Variants in MYBPC3 observed in about 807,000 individuals in gnomAD.
MYBPC3 encodes myosin-binding protein C, cardiac-type.
In MYBPC3, 108 loss-of-function variants were observed where a neutral mutation model predicts 159.3. The ratio of observed to expected loss-of-function variants is 0.68; its 90% CI spans 0.58 to 0.80. MYBPC3 has a LOEUF of 0.80. MYBPC3 is among the 30% of genes least tolerant of loss of function. The pLI, the probability that MYBPC3 is intolerant of heterozygous loss-of-function variation, is 0.00. For synonymous variants in MYBPC3, 730 were observed against 702.0 expected (o/e 1.04, Z -0.63); for missense variants, 1,631 against 1,762.1 (o/e 0.93, Z 1.33).
intron 34 of MYBPC3, 35 bp downstream of exon 34, chr11:47,331,810 A>G (rs767100395): frequency 3.8e-6 from 6 of 1,578,570 alleles, no homozygotes; most frequent in South Asian, 1.2e-5. Flanking sequence ...GGGCTCAGCC[A>G]CTGACTTGTG....
Position 47,338,514 on chromosome 11 carries a change from C to G in MYBPC3, c.2308+6G>C. The G allele has an allele frequency of 6.2e-7, 1 of 1,614,012 alleles. No homozygotes were observed. The highest frequency in any genetic ancestry group is 8.5e-7 in the Non-Finnish European group (1 of 1,179,894). On this transcript the variant is annotated splice_donor_region_variant and intron_variant, in intron 23 of 34. Coordinates refer to ENST00000545968, the MANE Select transcript of MYBPC3 (RefSeq NM_000256.3). This position sits in a 1 kb window ranked among gnomAD's most constrained non-coding sequence, Gnocchi z 4.7. ...GTTCTCCAGCTTGGACCCCGGCCGG[C>G]CTCACCGATGACCTTGACTGTGAGG...
chr11:47,346,918 C>G lies in MYBPC3; in HGVS notation c.908+109G>C. On this transcript the variant is annotated intron_variant, in intron 10 of 34. Coordinates refer to ENST00000545968, the MANE Select transcript of MYBPC3 (RefSeq NM_000256.3). This position sits in a 1 kb window ranked among gnomAD's most constrained non-coding sequence, Gnocchi z 5.3. ...AGACTCACCCCTGTCCGTGGGGAGC[C>G]GCACCCTGCTCTGAGTCTCTCACCA... The G allele has an allele frequency of 1.3e-6, 1 of 748,326 alleles. No individual in the cohort carries two copies. The highest frequency in any genetic ancestry group is 2.5e-5 in the East Asian group (1 of 39,928). The allele number at this position is 748,326 out of a possible 1,614,324, so 46.4% of individuals were successfully genotyped here.
rs1341949097 is a variant in MYBPC3 at position 47,335,198 on chromosome 11, C to T, written c.2749G>A (p.Val917Met). Residue 917 changes from valine to methionine, a missense_variant, in exon 27 of 35, where the codon GTG (valine) becomes ATG (methionine). Physicochemically the swap from Val to Met is conservative, Grantham distance 21. Transcript: ENST00000545968. Reference sequence around the variant, plus strand: ...TCTGTCAGCCCCTGCAGGGCAGCCACCCACTCTGAGCCTGGGGGTGGGGAG... The same window carrying T: ...TCTGTCAGCCCCTGCAGGGCAGCCATCCACTCTGAGCCTGGGGGTGGGGAG... ...EYCPEGCSEW[V>M]AALQGLTEHT... 6.3e-7 allele frequency: 1 copy of T among 1,599,034 alleles called. No homozygotes were observed. The highest frequency in any genetic ancestry group is 2.3e-5 in the East Asian group (1 of 43,580).
chr11:47,341,239 TG>T lies in MYBPC3; in HGVS notation c.1795del (p.His599ThrfsTer3). The stretch of plus-strand genomic sequence containing the variant: ...TGTGACGTCGTCAATGGTCAGTTTG[TG>T]GACCCTGCAGGGGAGCAGTGGCTCA... ...RIKVSHIGRV[H>X]KLTIDDVTPA... On this transcript the variant is annotated frameshift_variant, in exon 19 of 35. Coordinates refer to ENST00000545968, the MANE Select transcript of MYBPC3 (RefSeq NM_000256.3). LOFTEE classifies it high-confidence loss of function. The T allele has an allele frequency of 6.3e-7, 1 of 1,583,980 alleles. No homozygotes were observed. The highest frequency in any genetic ancestry group is 8.6e-7 in the Non-Finnish European group (1 of 1,165,008).
chr11:47,345,867 C>A (rs2095893575), intron 12 of MYBPC3, among the ~76,000 whole-genome samples: 1 of 152,112 alleles, frequency 6.6e-6, no homozygotes, highest in African/African-American at 2.4e-5. Context: ...AAAGTGTAGC[C>A]TGATTTTTCC....
In MYBPC3 at chr11:47,346,962, A is replaced by G. The variant is rs1196151611; in HGVS notation, c.908+65T>C. ...CTCACCACAGCCTCTCAGAGAGGGG[A>G]CGGGAATCCCCTCTGCACCCACCAG... On this transcript the variant is annotated intron_variant, in intron 10 of 34. Transcript: ENST00000545968. This position sits in a 1 kb window ranked among gnomAD's most constrained non-coding sequence, Gnocchi z 5.3. The G allele has an allele frequency of 1.3e-6, 1 of 768,124 alleles. No homozygotes were observed. The highest frequency in any genetic ancestry group is 2.4e-6 in the Non-Finnish European group (1 of 420,320). 47.6% of individuals were successfully genotyped at this position (768,124 alleles called of 1,614,324 possible).
rs1464294392 is a variant in MYBPC3, at chr11:47,346,247, C to G, written c.1050G>C (p.Lys350Asn). 1 of 1,613,932 alleles carries G rather than the reference C, an allele frequency of 6.2e-7. No individual in the cohort carries two copies. Among genetic ancestry groups the G allele is most frequent in the South Asian group, 1.1e-5 (1 of 91,088 alleles). The change falls in exon 12 of 35, where the codon AAG (lysine) becomes AAC (asparagine). Residue 350 changes from lysine (K) to asparagine (N), a missense_variant. Lys to Asn is a moderately conservative substitution (Grantham distance 94). Coordinates refer to ENST00000545968, the MANE Select transcript of MYBPC3 (RefSeq NM_000256.3). This position sits in a 1 kb window ranked among gnomAD's most constrained non-coding sequence, Gnocchi z 5.3. ...YGVTDLRGMLKRLKGMRRDEK... is the reference protein window; with the variant it reads ...YGVTDLRGMLNRLKGMRRDEK... ...CATCGCGCCTCATGCCCTTGAGCCT[C>G]TTTAGCATGCCGCGCAGGTCAGTGA...
chr11:47,332,316 G>A lies in MYBPC3; in HGVS notation c.3628-58C>T. The A allele has an allele frequency of 6.4e-7, 1 of 1,571,018 alleles. No individual in the cohort carries two copies. Among genetic ancestry groups the A allele is most frequent in the Non-Finnish European group, 8.8e-7 (1 of 1,142,334 alleles). On this transcript the variant is annotated intron_variant, in intron 32 of 34. Transcript: ENST00000545968. This position sits in a 1 kb window ranked among gnomAD's most constrained non-coding sequence, Gnocchi z 4.2. ...ATCCAGGCTGAGAGGGGACCTGGCA[G>A]GGACCCAGGGAGACACATCTGTGTT...
intron 12 of MYBPC3, among the ~76,000 whole-genome samples, chr11:47,345,275 C>G (rs2095893012): frequency 6.6e-6 from 1 of 152,192 alleles, no homozygotes; most frequent in African/African-American, 2.4e-5. Flanking sequence ...CAGGGGATCC[C>G]TGGCTTAAAT....
At position 47,338,679 on chromosome 11, in the gene MYBPC3, G is replaced by C. The variant is rs1342503923; in HGVS notation, c.2149C>G (p.Leu717Val). Reference protein sequence around the residue: ...DSDEWVFDKKLLCETEGRVRV... With the variant: ...DSDEWVFDKKVLCETEGRVRV... ...ACCCGGCCCTCGGTCTCACACAGCA[G>C]CTGGGGGGGTGCAGAGTTGGGGTGA... Residue 717 changes from leucine (L) to valine (V), a missense_variant and splice_region_variant, in exon 23 of 35, where the codon CTG (leucine) becomes GTG (valine). Leu to Val is a conservative substitution (Grantham distance 32, BLOSUM62 1). Coordinates refer to ENST00000545968, the MANE Select transcript of MYBPC3 (RefSeq NM_000256.3). The surrounding 1 kb of genome is among the most constrained non-coding windows in gnomAD (Gnocchi z 4.7). 6.2e-7 allele frequency: 1 copy of C among 1,609,232 alleles called. No individual in the cohort carries two copies. Among genetic ancestry groups the C allele is most frequent in the Admixed American group, 1.7e-5 (1 of 59,626 alleles).
Position 47,341,145 on chromosome 11 carries a change from G to A in MYBPC3, c.1890C>T (p.His630=). 1.3e-6 allele frequency: 2 copies of A among 1,595,000 alleles called. No homozygotes were observed. Among genetic ancestry groups the A allele is most frequent in the South Asian group, 1.1e-5 (1 of 87,898 alleles). The change falls in exon 19 of 35, where the codon CAC becomes CAT. Residue 630 remains histidine, a synonymous_variant. Transcript: ENST00000545968. ...GFACNLSAKL[H]FMEVKIDFVP... The stretch of plus-strand genomic sequence containing the variant: ...ACCCTGGAGCAGGCTCACCCATGAA[G>A]TGGAGCTTGGCTGACAGGTTGCAGG...
At position 47,333,168 on chromosome 11, in the gene MYBPC3, GTGGGGACCCCAGACCC is replaced by G; in HGVS notation, c.3330+10_3330+25del. The G allele has an allele frequency of 6.3e-7, 1 of 1,595,708 alleles. No individual in the cohort carries two copies. The highest frequency in any genetic ancestry group is 8.5e-7 in the Non-Finnish European group (1 of 1,170,784). ...TCTGCCGGGCCTAGGCAGGGTGCAC[GTGGGGACCCCAGACCC>G]TGGGCTCACCATGGTCTTCTTGTCG... On this transcript the variant is annotated intron_variant, in intron 30 of 34. Transcript: ENST00000545968.
chr11:47,339,358 G>T lies in MYBPC3; in HGVS notation c.2114C>A (p.Thr705Lys), dbSNP rs2095885899. 6.2e-7 allele frequency: 1 copy of T among 1,614,070 alleles called. No homozygotes were observed. The highest frequency in any genetic ancestry group is 8.5e-7 in the Non-Finnish European group (1 of 1,179,892). ...AAACACCCACTCATCGCTGTCACCT[G>T]TGTCCTCTGGGGCATCTGGGGCTGG... Reference protein sequence around the residue: ...ARPAPDAPEDTGDSDEWVFDK... With the variant: ...ARPAPDAPEDKGDSDEWVFDK... The change falls in exon 22 of 35, where the codon ACA becomes AAA. Residue 705 changes from threonine to lysine, a missense_variant. Physicochemically the swap from Thr to Lys is moderately conservative, Grantham distance 78. Coordinates refer to ENST00000545968, the MANE Select transcript of MYBPC3 (RefSeq NM_000256.3).
intron 30 of MYBPC3, 69 bp from the exon 31 acceptor site, chr11:47,333,042 G>A: frequency 6.5e-7 from 1 of 1,549,616 alleles, no homozygotes; most frequent in Non-Finnish European, 8.7e-7. Context: ...CCTCTCCTGG[G>A]TGCCCTTGGC....
chr11:47,335,113 C>A lies in MYBPC3; in HGVS notation c.2834G>T (p.Arg945Leu), dbSNP rs1443971720. The change falls in exon 27 of 35, where the codon CGG becomes CTG. Residue 945 changes from arginine (R) to leucine (L), a missense_variant. Physicochemically the swap from Arg to Leu is moderately radical, Grantham distance 102. Transcript: ENST00000545968. Reference protein sequence around the residue: ...PTGARLLFRVRAHNMAGPGAP... With the variant: ...PTGARLLFRVLAHNMAGPGAP... ...TCCAGGCCCTGCCATATTGTGTGCC[C>A]GCACTCGGAAAAGCAGCCGGGCCCC... is the stretch of plus-strand genomic sequence containing the variant. 6.2e-7 allele frequency: 1 copy of A among 1,612,182 alleles called. No homozygotes were observed. Among genetic ancestry groups the A allele is most frequent in the Non-Finnish European group, 8.5e-7 (1 of 1,179,050 alleles).
At position 47,337,475 on chromosome 11, in the gene MYBPC3, C is replaced by T. The variant is rs376936056; in HGVS notation, c.2518G>A (p.Val840Met). The change falls in exon 25 of 35, where the codon GTG becomes ATG. Residue 840 changes from valine to methionine, a missense_variant. Transcript: ENST00000545968. ...SHEARRMIEG[V>M]VYEMRVYAVN... The stretch of plus-strand genomic sequence containing the variant: ...GCGTAGACGCGCATCTCGTACACCA[C>T]GCCCTCGATCATGCGCCGCGCTTCA... 1.1e-5 allele frequency: 18 copies of T among 1,613,930 alleles called. No homozygotes were observed. The highest frequency in any genetic ancestry group is 2.2e-5 in the East Asian group (1 of 44,882).
chr11:47,331,476 G>C lies in MYBPC3; in HGVS notation c.*267C>G, dbSNP rs773912126. On this transcript the variant is annotated 3_prime_UTR_variant, in exon 35 of 35. Transcript: ENST00000545968. ...TGGGAAGACATAGCAGGCCAGAAAG[G>C]CCTGTCCCCAGACATTGTTTCTTGA... The C allele has an allele frequency of 4.9e-6, 1 of 203,108 alleles. No individual in the cohort carries two copies. The highest frequency in any genetic ancestry group is 2.3e-5 in the African/African-American group (1 of 43,288). 12.6% of individuals were successfully genotyped at this position (203,108 alleles called of 1,614,324 possible).
Position 47,346,068 on chromosome 11 carries a change from A to G in MYBPC3, c.1090+139T>C. Reference sequence around the variant, plus strand: ...TGCTAAGCCGGACTCCGCTCTTTCCATGTATGTGGACGAGGTGGGGGGCTA... The same window carrying G: ...TGCTAAGCCGGACTCCGCTCTTTCCGTGTATGTGGACGAGGTGGGGGGCTA... On this transcript the variant is annotated intron_variant, in intron 12 of 34. Transcript: ENST00000545968. This position sits in a 1 kb window ranked among gnomAD's most constrained non-coding sequence, Gnocchi z 5.3. The G allele has an allele frequency of 2.5e-6, 3 of 1,202,184 alleles. No homozygotes were observed. Among genetic ancestry groups the G allele is most frequent in the South Asian group, 1.7e-5 (1 of 59,976 alleles). The allele number at this position is 1,202,184 out of a possible 1,614,324, so 74.5% of individuals were successfully genotyped here.
intron 12 of MYBPC3, among the ~76,000 whole-genome samples, chr11:47,344,293 C>T (rs1158451562): frequency 1.3e-5 from 2 of 152,182 alleles, no homozygotes; most frequent in South Asian, 2.1e-4. Context: ...TCTTCCCAGG[C>T]GCTCCCACCT....
Sources: allele counts gnomAD v4.1 joint callset (sites outside exome capture counted in the v4.1 genomes callset), GRCh38; gene constraint gnomAD v4.1.1; non-coding constraint Gnocchi (gnomAD v3.1); transcripts MANE v1.5; gene names NCBI Gene and HGNC (gene_info 2026-07-23, HGNC 2026-07-21).